ACSM5: variants seen among roughly 807,000 people sequenced by gnomAD.
ACSM5 encodes the protein acyl-CoA synthetase medium chain family member 5.
In ACSM5, 56 loss-of-function variants were observed where a neutral mutation model predicts 71.6. That is an observed-to-expected ratio of 0.78 (90% CI 0.63 to 0.98). ACSM5 has a LOEUF of 0.98. Among genes scored for constraint, ACSM5 ranks in the 50% least tolerant of loss-of-function variants. The pLI is 0.00. For synonymous variants in ACSM5, 285 were observed against 281.5 expected, an observed-to-expected ratio of 1.01 and a Z score of -0.12; for missense variants, 723 against 726.0, an observed-to-expected ratio of 1.00 and a Z score of 0.05.
chr16:20,418,759 T>C (rs1276465261), intron 3 of ACSM5, among the ~76,000 whole-genome samples: 3 of 152,234 alleles, frequency 2.0e-5, no homozygotes, highest in African/African-American at 4.8e-5. Flanking sequence ...ACCCGAACGA[T>C]GCAGTTATAG....
intron 6 of ACSM5, among the ~76,000 whole-genome samples, chr16:20,426,776 G>T (rs528397331): frequency 1.3e-5 from 2 of 152,150 alleles, no homozygotes; most frequent in African/African-American, 4.8e-5. Context: ...GGAAATTATT[G>T]TGTAATGGGT....
chr16:20,422,483 A>G (rs1966898901), intron 5 of ACSM5, among the ~76,000 whole-genome samples: 1 of 152,218 alleles, frequency 6.6e-6, no homozygotes, highest in Non-Finnish European at 1.5e-5. Flanking sequence ...GCTATTGTCA[A>G]TAATGTTGCT....
chr16:20,423,991 T>A lies in ACSM5; in HGVS notation c.843T>A (p.Thr281=). Residue 281 remains threonine, a synonymous_variant, in exon 6 of 14, where the codon ACT becomes ACA. Coordinates refer to ENST00000331849, the MANE Select transcript of ACSM5 (RefSeq NM_017888.3). ...TDTGWVKAAW[T]LFSAWPNGSC... Reference sequence around the variant, plus strand: ...CTGGCTGGGTGAAGGCAGCCTGGACTCTCTTCTCTGCCTGGCCTAATGGAT... The same window carrying A: ...CTGGCTGGGTGAAGGCAGCCTGGACACTCTTCTCTGCCTGGCCTAATGGAT... The A allele has an allele frequency of 6.2e-7, 1 of 1,614,202 alleles. No homozygotes were observed. The highest frequency in any genetic ancestry group is 8.5e-7 in the Non-Finnish European group (1 of 1,180,020).
chr16:20,429,857 C>A, intron 8 of ACSM5, 56 bp downstream of exon 8: 1 of 1,589,966 alleles, frequency 6.3e-7, no homozygotes, highest in Non-Finnish European at 8.6e-7. Flanking sequence ...GAGCTTCCTG[C>A]CTCTCCGGCT....
intron 4 of ACSM5, 138 bp from the exon 5 acceptor site, chr16:20,421,120 A>C: frequency 8.7e-7 from 1 of 1,144,406 alleles, no homozygotes. Flanking sequence ...GTTGCAGATT[A>C]CCCAAGCCAG....
chr16:20,423,479 T>C (rs1038209596), intron 5 of ACSM5, among the ~76,000 whole-genome samples: 2 of 152,240 alleles, frequency 1.3e-5, no homozygotes, highest in Non-Finnish European at 1.5e-5. Context: ...GCCTATTCTC[T>C]ATAATTGCAC....
intron 10 of ACSM5, among the ~76,000 whole-genome samples, chr16:20,436,094 C>CTCTTTCTT (rs150584025): frequency 7.1e-6 from 1 of 141,294 alleles, no homozygotes; most frequent in African/African-American, 2.6e-5. Context: ...CCTTCCTTTT[C>CTCTTTCTT]TCTTTCTTTC....
At chr16:20,422,539 T>C (rs746208964) in intron 5 of ACSM5, among the ~76,000 whole-genome samples, 11 of 152,218 alleles carry the variant, frequency 7.2e-5, no homozygotes, top group Non-Finnish European at 1.5e-4. Context: ...TGCTTTTACT[T>C]CTTTTGGATA....
At chr16:20,417,149 C>A (rs550467645) in intron 2 of ACSM5, among the ~76,000 whole-genome samples, 1 of 151,980 alleles carries the variant, frequency 6.6e-6, no homozygotes, top group Non-Finnish European at 1.5e-5. Flanking sequence ...GCAGTTCCTC[C>A]GAAAGTTAAC....
At chr16:20,428,730 C>T (rs973896869) in intron 7 of ACSM5, among the ~76,000 whole-genome samples, 1 of 152,144 alleles carries the variant, frequency 6.6e-6, no homozygotes, top group East Asian at 1.9e-4. Flanking sequence ...ATGATTTTGG[C>T]TGAAAGCAAG....
chr16:20,424,113 A>T (rs997655770), intron 6 of ACSM5, 44 bp downstream of exon 6: 1 of 1,605,320 alleles, frequency 6.2e-7, no homozygotes, highest in Admixed American at 1.7e-5. Flanking sequence ...TTGGGTACAA[A>T]TGAGATGAGT....
intron 5 of ACSM5, among the ~76,000 whole-genome samples, chr16:20,422,138 G>GT (rs1349608238): frequency 6.6e-6 from 1 of 151,902 alleles, no homozygotes; most frequent in Non-Finnish European, 1.5e-5. Flanking sequence ...TTGAGACAGA[G>GT]TTTTGCTCTT....
At chr16:20,426,760 T>C (rs1966988494) in intron 6 of ACSM5, among the ~76,000 whole-genome samples, 1 of 152,002 alleles carries the variant, frequency 6.6e-6, no homozygotes, top group South Asian at 2.1e-4. Flanking sequence ...AGGGGAGAGA[T>C]TAATGGGAAA....
chr16:20,412,410 G>A (rs1294590954), intron 2 of ACSM5, among the ~76,000 whole-genome samples: 3 of 152,076 alleles, frequency 2.0e-5, no homozygotes, highest in Admixed American at 2.0e-4. Context: ...TAGGGCTCAG[G>A]CTCAAAGCTT....
chr16:20,431,954 A>ATAAT (rs1197146927), intron 10 of ACSM5, among the ~76,000 whole-genome samples: 2,270 of 143,832 alleles, frequency 0.016, 81 homozygotes, highest in African/African-American at 0.053. Flanking sequence ...CAAAAAAAAA[A>ATAAT]AATAATAATA....
At chr16:20,433,179 G>A (rs1472518972) in intron 10 of ACSM5, among the ~76,000 whole-genome samples, 1 of 152,068 alleles carries the variant, frequency 6.6e-6, no homozygotes, top group Non-Finnish European at 1.5e-5. Flanking sequence ...TCTTAATTAA[G>A]AGAAAAATAT....
intron 7 of ACSM5, among the ~76,000 whole-genome samples, chr16:20,428,898 G>T (rs1452070604): frequency 6.6e-6 from 1 of 151,950 alleles, no homozygotes; most frequent in Admixed American, 6.6e-5. Flanking sequence ...GAACAGAGAG[G>T]GCATTTTGCA....
At position 20,419,387 on chromosome 16, in the gene ACSM5, T is replaced by G; in HGVS notation, c.575T>G (p.Val192Gly). ...ECPSLQTKLLVSDSSRPGWLN... is the reference protein window; with the variant it reads ...ECPSLQTKLLGSDSSRPGWLN... ...CCCTCCCTCCAGACCAAGCTGCTGGTGTCAGACAGCAGTCGGCCAGGCTGG... is the reference window on the plus strand; with the variant it reads ...CCCTCCCTCCAGACCAAGCTGCTGGGGTCAGACAGCAGTCGGCCAGGCTGG... Residue 192 changes from valine to glycine, a missense_variant, in exon 4 of 14, where the codon GTG (valine) becomes GGG (glycine). Physicochemically the swap from Val to Gly is moderately radical, Grantham distance 109. Coordinates refer to ENST00000331849, the MANE Select transcript of ACSM5 (RefSeq NM_017888.3). The G allele has an allele frequency of 1.9e-6, 3 of 1,614,170 alleles. No homozygotes were observed. Among genetic ancestry groups the G allele is most frequent in the Non-Finnish European group, 2.5e-6 (3 of 1,180,010 alleles).
chr16:20,426,156 C>G (rs1387625128), intron 6 of ACSM5, among the ~76,000 whole-genome samples: 3 of 152,078 alleles, frequency 2.0e-5, no homozygotes, highest in Admixed American at 6.5e-5. Context: ...CATGGTGGAC[C>G]AAATATAGTA....
Sources: allele counts gnomAD v4.1 joint callset (sites outside exome capture counted in the v4.1 genomes callset), GRCh38; gene constraint gnomAD v4.1.1; transcripts MANE v1.5; gene names NCBI Gene and HGNC (gene_info 2026-07-23, HGNC 2026-07-21).